Variants in RACGAP1 observed in about 807,000 individuals in gnomAD.
RACGAP1 encodes rac GTPase-activating protein 1.
A neutral mutation model predicts 78.1 loss-of-function variants in RACGAP1; 30 were observed. The observed-to-expected ratio is 0.38, with a 90% CI of 0.29 to 0.52. RACGAP1 has a LOEUF of 0.52. Among genes scored for constraint, RACGAP1 ranks in the 20% least tolerant of loss-of-function variants. RACGAP1 has a pLI of 0.82. For synonymous variants in RACGAP1, 231 were observed against 264.8 expected (o/e 0.87, Z 1.24); for missense variants, 587 against 777.1 (o/e 0.76, Z 2.91).
intron 10 of RACGAP1, among the ~76,000 whole-genome samples, chr12:49,995,248 T>C (rs2137275050): frequency 6.6e-6 from 1 of 152,094 alleles, no homozygotes; most frequent in Admixed American, 6.6e-5. Flanking sequence ...TGAGGGAGGC[T>C]GAGGCAGGAG....
chr12:50,027,782 T>A (rs1466513543), upstream of RACGAP1, among the ~76,000 whole-genome samples: 1 of 152,130 alleles, frequency 6.6e-6, no homozygotes, highest in African/African-American at 2.4e-5. Context: ...GCCGAGATCA[T>A]GCCACTGCAC....
intron 1 of RACGAP1, among the ~76,000 whole-genome samples, chr12:50,018,148 ACT>A (rs1378316240): frequency 1.7e-5 from 2 of 117,954 alleles, no homozygotes; most frequent in African/African-American, 5.3e-5. Context: ...CCAGAGTAAG[ACT>A]CTGTCTCAAA....
Position 49,997,037 on chromosome 12 carries a change from T to C in RACGAP1, c.1044+3A>G. On this transcript the variant is annotated splice_donor_region_variant and intron_variant, in intron 10 of 16. Transcript: ENST00000312377. ...AAACAATGACGGCTTGCATAAGTCA[T>C]ACCTCTCCAATCTTGACAGGTGTTC... is the stretch of plus-strand genomic sequence containing the variant. 1 of 1,514,874 alleles carries C rather than the reference T, an allele frequency of 6.6e-7. No homozygotes were observed. Among genetic ancestry groups the C allele is most frequent in the Non-Finnish European group, 8.9e-7 (1 of 1,119,474 alleles). 93.8% of individuals were successfully genotyped at this position (1,514,874 alleles called of 1,614,324 possible).
rs1192743864 is a variant in RACGAP1 at position 49,999,753 on chromosome 12, G to C, written c.631-20C>G. ...ATTCCCCTGCAACAAAAGTAGTAAT[G>C]AGGAAAGACAAACAAAGAATCTAAC... On this transcript the variant is annotated intron_variant, in intron 7 of 16. Coordinates refer to ENST00000312377, the MANE Select transcript of RACGAP1 (RefSeq NM_001319999.2). The C allele has an allele frequency of 6.4e-7, 1 of 1,558,906 alleles. No individual in the cohort carries two copies. Among genetic ancestry groups the C allele is most frequent in the Non-Finnish European group, 8.9e-7 (1 of 1,129,760 alleles).
At chr12:50,020,661 T>A (rs150376408) in intron 1 of RACGAP1, among the ~76,000 whole-genome samples, 1 of 152,168 alleles carries the variant, frequency 6.6e-6, no homozygotes, top group African/African-American at 2.4e-5. Context: ...ACCATATATG[T>A]TGCAGACCTA....
intron 1 of RACGAP1, among the ~76,000 whole-genome samples, chr12:50,023,109 A>G (rs939141305): frequency 7.2e-5 from 11 of 152,232 alleles, no homozygotes; most frequent in South Asian, 2.1e-4. Context: ...AGTACCTGAC[A>G]TTTGGTAAAT....
Position 50,004,302 on chromosome 12 carries a change from A to G in RACGAP1, c.428T>C (p.Leu143Pro). 6.3e-7 allele frequency: 1 copy of G among 1,594,296 alleles called. No individual in the cohort carries two copies. The highest frequency in any genetic ancestry group is 2.2e-5 in the East Asian group (1 of 44,528). Reference protein sequence around the residue: ...PSSSNAGNKRLSTIDESGSIL... With the variant: ...PSSSNAGNKRPSTIDESGSIL... ...GGAACCAGATTCATCAATGGTTGAT[A>G]GTCTAGATCAGTGAAACAATACAAC... Residue 143 changes from leucine to proline, a missense_variant and splice_region_variant, in exon 5 of 17, where the codon CTA (leucine) becomes CCA (proline). Physicochemically the swap from Leu to Pro is moderately conservative, Grantham distance 98. Coordinates refer to ENST00000312377, the MANE Select transcript of RACGAP1 (RefSeq NM_001319999.2).
chr12:50,009,607 A>T (rs977122432), intron 2 of RACGAP1, among the ~76,000 whole-genome samples: 19 of 152,206 alleles, frequency 1.2e-4, no homozygotes, highest in African/African-American at 4.1e-4. Context: ...CCTGCCTAGC[A>T]CACAGTAGAC....
At chr12:50,022,191 A>C (rs991232155) in intron 1 of RACGAP1, among the ~76,000 whole-genome samples, 1 of 152,222 alleles carries the variant, frequency 6.6e-6, no homozygotes, top group African/African-American at 2.4e-5. Context: ...GCCTTCCCTA[A>C]CCATTTCAGT....
At position 49,996,773 on chromosome 12, in the gene RACGAP1, A is replaced by G. The variant is rs1948316274; in HGVS notation, c.1044+267T>C. On this transcript the variant is annotated intron_variant, in intron 10 of 16. Coordinates refer to ENST00000312377, the MANE Select transcript of RACGAP1 (RefSeq NM_001319999.2). ...GTCTGAAATTTTCCAAAATGGGATG[A>G]AGGGGAGGAAGGAAGGAAGAAGAGG... Among the ~76,000 whole-genome samples the G allele has an allele frequency of 2.0e-5, 3 of 150,676 alleles. 1 individual carries two copies. The South Asian group carries it at 6.3e-4, about 32-fold the overall frequency.
chr12:49,996,686 T>C (rs1592142435), intron 10 of RACGAP1, among the ~76,000 whole-genome samples: 1 of 104,602 alleles, frequency 9.6e-6, no homozygotes, highest in South Asian at 3.2e-4. Flanking sequence ...AAGTTAGTAA[T>C]CATGGAAGTT....
At position 49,999,592 on chromosome 12, in the gene RACGAP1, A is replaced by G. The variant is rs749134401; in HGVS notation, c.748+24T>C. ...TTTTGCTAGTTGTTTTACACAGGCC[A>G]GTTTAGTCACAAATTCAATGGACCT... On this transcript the variant is annotated intron_variant, in intron 8 of 16. Coordinates refer to ENST00000312377, the MANE Select transcript of RACGAP1 (RefSeq NM_001319999.2). 1.9e-6 allele frequency: 3 copies of G among 1,589,540 alleles called. No individual in the cohort carries two copies. The Admixed American group carries it at 5.0e-5, about 27-fold the overall frequency.
At chr12:50,010,149 A>AT (rs1011158854) in intron 2 of RACGAP1, among the ~76,000 whole-genome samples, 33 of 151,980 alleles carry the variant, frequency 2.2e-4, no homozygotes, top group African/African-American at 3.9e-4. Flanking sequence ...TACACCAATG[A>AT]TTTTTTTTAA....
Position 50,005,349 on chromosome 12 carries a change from G to A in RACGAP1, c.332C>T (p.Thr111Ile). The change falls in exon 4 of 17, where the codon ACA becomes ATA. Residue 111 changes from threonine to isoleucine, a missense_variant. Physicochemically the swap from Thr to Ile is moderately conservative, Grantham distance 89 (BLOSUM62 -1). Coordinates refer to ENST00000312377, the MANE Select transcript of RACGAP1 (RefSeq NM_001319999.2). ...CTCGCTTAGTTGAATGCTGCCAGAT[G>A]TGTCACACATGAGCATCTCTCGAAT... Reference protein sequence around the residue: ...QLIREMLMCDTSGSIQLSEEQ... With the variant: ...QLIREMLMCDISGSIQLSEEQ... The A allele has an allele frequency of 1.2e-6, 2 of 1,614,208 alleles. No individual in the cohort carries two copies. The highest frequency in any genetic ancestry group is 1.7e-6 in the Non-Finnish European group (2 of 1,180,038).
chr12:49,996,565 A>AG (rs928267476), intron 10 of RACGAP1, among the ~76,000 whole-genome samples: 7 of 131,184 alleles, frequency 5.3e-5, no homozygotes, highest in South Asian at 2.6e-4. Context: ...GCTTGAGCCC[A>AG]GGGGGGCGGA....
chr12:50,031,001 A>G (rs1422441220), intron 2 of RACGAP1, among the ~76,000 whole-genome samples: 1 of 151,328 alleles, frequency 6.6e-6, no homozygotes, highest in East Asian at 2.0e-4. Flanking sequence ...GCTGGTCTCA[A>G]ACTGGTGACC....
At chr12:50,011,909 G>A (rs560805650) in intron 2 of RACGAP1, among the ~76,000 whole-genome samples, 68 of 145,600 alleles carry the variant, frequency 4.7e-4, no homozygotes, top group African/African-American at 1.6e-3. Context: ...AGCCGAGATC[G>A]TGCCACTGTA....
At chr12:50,014,956 T>C (rs931077327) in intron 2 of RACGAP1, among the ~76,000 whole-genome samples, 21 of 151,072 alleles carry the variant, frequency 1.4e-4, no homozygotes, top group African/African-American at 4.1e-4. Flanking sequence ...GGCAGGACAA[T>C]TGCTTGAGCC....
At chr12:50,027,189 G>A (rs1222469976), upstream of RACGAP1, among the ~76,000 whole-genome samples, 2 of 152,114 alleles carry the variant, frequency 1.3e-5, no homozygotes, top group Non-Finnish European at 2.9e-5. Flanking sequence ...ATTAAGAAAG[G>A]GATGAAGAAA....
Sources: allele counts gnomAD v4.1 joint callset (sites outside exome capture counted in the v4.1 genomes callset), GRCh38; gene constraint gnomAD v4.1.1; transcripts MANE v1.5; gene names NCBI Gene and HGNC (gene_info 2026-07-23, HGNC 2026-07-21).